GSG1L: variants seen among roughly 807,000 people sequenced by gnomAD.
GSG1L encodes germ cell-specific gene 1-like protein.
In GSG1L, 24 loss-of-function variants were observed where a neutral mutation model predicts 42.1. The ratio of observed to expected loss-of-function variants is 0.57; its 90% CI spans 0.41 to 0.80. The LOEUF is 0.80. Among genes scored for constraint, GSG1L ranks in the 30% least tolerant of loss-of-function variants. The probability of loss-of-function intolerance (pLI) is 0.00; values close to 1 mark genes in which losing one functional copy is unlikely to be tolerated. For missense variants in GSG1L, 445 were observed against 472.2 expected, an observed-to-expected ratio of 0.94 and a Z score of 0.53; for synonymous variants, 215 against 203.5, an observed-to-expected ratio of 1.06 and a Z score of -0.48.
At chr16:27,820,837 T>C (rs139282126) in intron 5 of GSG1L, among the ~76,000 whole-genome samples, 2 of 152,114 alleles carry the variant, frequency 1.3e-5, no homozygotes, top group East Asian at 3.9e-4. Flanking sequence ...CCAGACACCG[T>C]GGGAGGAGAA....
At chr16:27,823,829 G>T in intron 5 of GSG1L, 1 of 702,744 alleles carries the variant, frequency 1.4e-6, no homozygotes, top group South Asian at 1.5e-5. Flanking sequence ...AGGACTATGT[G>T]GCCTGGGCTT....
chr16:27,813,311 A>G (rs935564594), intron 5 of GSG1L, among the ~76,000 whole-genome samples: 5 of 141,210 alleles, frequency 3.5e-5, no homozygotes, highest in African/African-American at 1.3e-4. Context: ...CTTATATGTA[A>G]GAACACGCAG....
intron 1 of GSG1L, among the ~76,000 whole-genome samples, chr16:28,061,029 C>T (rs1275367711): frequency 1.3e-5 from 2 of 152,150 alleles, no homozygotes; most frequent in Non-Finnish European, 2.9e-5. Context: ...CAGGACACTC[C>T]ACAGAGGTAG....
chr16:27,874,441 CTTTTTTTTTTTT>C lies in GSG1L; in HGVS notation c.550+10033_550+10044del, dbSNP rs71140916. 5.9e-3 allele frequency among the ~76,000 whole-genome samples: 556 copies of C among 94,450 alleles called. 11 individuals carry two copies. The highest frequency in any genetic ancestry group is 0.019 in the African/African-American group (513 of 26,964). The allele number at this position is 94,450 out of a possible 152,430, so 62.0% of individuals were successfully genotyped here. A position where few individuals can be genotyped will look rare whatever the true frequency, so the allele number is the denominator to read the frequency against. On this transcript the variant is annotated intron_variant, in intron 3 of 6. Transcript: ENST00000447459. ...TCTGGACACTGAAGCACAGGAGAGC[CTTTTTTTTTTTT>C]TTTTTTTTTTTTTTTTTGGACAGGG...
chr16:27,979,675 G>A (rs1212818821), intron 1 of GSG1L, among the ~76,000 whole-genome samples: 11 of 77,992 alleles, frequency 1.4e-4, no homozygotes, highest in African/African-American at 3.6e-4. Flanking sequence ...GAGAGAGAGA[G>A]AGAGAAAGAA....
At chr16:27,864,158 C>G (rs2083688229) in intron 3 of GSG1L, among the ~76,000 whole-genome samples, 2 of 152,304 alleles carry the variant, frequency 1.3e-5, no homozygotes, top group South Asian at 4.1e-4. Flanking sequence ...CATCCTAGAA[C>G]TGAATCTCAT....
chr16:28,052,330 T>G (rs1212669933), intron 1 of GSG1L, among the ~76,000 whole-genome samples: 1 of 152,126 alleles, frequency 6.6e-6, no homozygotes, highest in Non-Finnish European at 1.5e-5. Flanking sequence ...GGTCTCGCTA[T>G]GTTGCCCAGG....
chr16:28,010,351 G>A (rs117673908), intron 1 of GSG1L, among the ~76,000 whole-genome samples: 2,430 of 152,316 alleles, frequency 0.016, 40 homozygotes, highest in Middle Eastern at 0.048. Context: ...AGGCAGGTTA[G>A]GGTTAGCGGA....
intron 1 of GSG1L, among the ~76,000 whole-genome samples, chr16:28,042,175 C>T (rs957389962): frequency 4.6e-5 from 7 of 152,148 alleles, no homozygotes; most frequent in African/African-American, 1.7e-4. Context: ...GTGGTTCGTG[C>T]CTGTAATCCT....
chr16:28,041,208 T>C (rs1461670508), intron 1 of GSG1L, among the ~76,000 whole-genome samples: 2 of 152,154 alleles, frequency 1.3e-5, no homozygotes, highest in Non-Finnish European at 2.9e-5. Flanking sequence ...CCTAGCACTT[T>C]GGGAGGCTGA....
intron 2 of GSG1L, among the ~76,000 whole-genome samples, chr16:27,957,260 T>C (rs1287771161): frequency 6.6e-6 from 1 of 152,190 alleles, no homozygotes; most frequent in African/African-American, 2.4e-5. Flanking sequence ...GTCACGAGAA[T>C]CACTTGAACC....
intron 1 of GSG1L, among the ~76,000 whole-genome samples, chr16:28,036,396 C>T (rs960909569): frequency 1.3e-5 from 2 of 152,120 alleles, no homozygotes; most frequent in Non-Finnish European, 2.9e-5. Context: ...CACCAAGGGC[C>T]GACTGAAAGT....
chr16:27,870,131 C>T (rs2083797513), intron 3 of GSG1L, among the ~76,000 whole-genome samples: 1 of 149,278 alleles, frequency 6.7e-6, no homozygotes, highest in African/African-American at 2.5e-5. Context: ...CTGTCTGTCT[C>T]TGTGTCTCTC....
rs926444046 is a variant in GSG1L at position 27,791,041 on chromosome 16, G to A, written c.*329C>T. On this transcript the variant is annotated 3_prime_UTR_variant, in exon 7 of 7. Coordinates refer to ENST00000447459, the MANE Select transcript of GSG1L (RefSeq NM_001109763.2). ...CTCTGGGCACCTGACTGGCTTGTGG[G>A]TGCCAGCCATTCAGTGGCCAGTGGC... 3 of 232,896 alleles carry A rather than the reference G, an allele frequency of 1.3e-5. No homozygotes were observed. The highest frequency in any genetic ancestry group is 2.5e-5 in the Non-Finnish European group (3 of 120,792). 14.4% of individuals were successfully genotyped at this position (232,896 alleles called of 1,614,324 possible).
chr16:27,947,581 G>GA (rs1374511185), intron 2 of GSG1L, among the ~76,000 whole-genome samples: 2 of 103,922 alleles, frequency 1.9e-5, no homozygotes, highest in South Asian at 5.1e-4. Context: ...AAGAAAGAAA[G>GA]AAAGAAAGAA....
At chr16:27,817,792 A>G (rs2083113212) in intron 5 of GSG1L, among the ~76,000 whole-genome samples, 1 of 152,202 alleles carries the variant, frequency 6.6e-6, no homozygotes, top group African/African-American at 2.4e-5. Context: ...ATTTATCTCA[A>G]TTTCTGTCCT....
At chr16:28,047,409 A>AC (rs1347657283) in intron 1 of GSG1L, among the ~76,000 whole-genome samples, 1 of 151,788 alleles carries the variant, frequency 6.6e-6, no homozygotes, top group Non-Finnish European at 1.5e-5. Flanking sequence ...TTAAAAAAAA[A>AC]CTAAAAATTG....
chr16:28,032,391 A>G (rs1347554684), intron 1 of GSG1L, among the ~76,000 whole-genome samples: 1 of 152,226 alleles, frequency 6.6e-6, no homozygotes, highest in Non-Finnish European at 1.5e-5. Context: ...CACGAATGAC[A>G]ACATGCAGAG....
intron 6 of GSG1L, among the ~76,000 whole-genome samples, chr16:27,799,202 G>A (rs1192794690): frequency 6.6e-6 from 1 of 150,592 alleles, no homozygotes; most frequent in Non-Finnish European, 1.5e-5. Context: ...CCAGGAGTTC[G>A]AGACCGGCCT....
Sources: allele counts gnomAD v4.1 joint callset (sites outside exome capture counted in the v4.1 genomes callset), GRCh38; gene constraint gnomAD v4.1.1; transcripts MANE v1.5; gene names NCBI Gene and HGNC (gene_info 2026-07-23, HGNC 2026-07-21).